SDK2: variants seen among roughly 807,000 people sequenced by gnomAD.
SDK2 encodes sidekick cell adhesion molecule 2.
In SDK2, 105 loss-of-function variants were observed where a neutral mutation model predicts 253.9. The observed-to-expected ratio is 0.41, with a 90% CI of 0.35 to 0.49. SDK2 has a LOEUF of 0.49. Among genes scored for constraint, SDK2 ranks in the 20% least tolerant of loss-of-function variants. SDK2 has a pLI of 0.06. For missense variants in SDK2, 2,608 were observed against 3,003.0 expected, an observed-to-expected ratio of 0.87 and a Z score of 3.07; for synonymous variants, 1,249 against 1,234.9, an observed-to-expected ratio of 1.01 and a Z score of -0.24.
At position 73,382,091 on chromosome 17, in the gene SDK2, C is replaced by T. The variant is rs913984539; in HGVS notation, c.4706-1141G>A. 5.9e-5 allele frequency among the ~76,000 whole-genome samples: 9 copies of T among 151,914 alleles called. No individual in the cohort carries two copies. The South Asian group carries it at 1.0e-3, about 18-fold the overall frequency. On this transcript the variant is annotated intron_variant, in intron 33 of 44. Coordinates refer to ENST00000392650, the MANE Select transcript of SDK2 (RefSeq NM_001144952.2). ...ATTAGCTGGGCGTGGTAGTGTGCGC[C>T]GTTAATCCCAGCTACTCAGGAGGCC...
At chr17:73,520,486 G>C (rs550821573) in intron 1 of SDK2, 1 of 121,500 alleles carries the variant, frequency 8.2e-6, no homozygotes, top group East Asian at 2.2e-4. Context: ...ATTGGGAGTA[G>C]TGGGGGGGTG....
intron 1 of SDK2, among the ~76,000 whole-genome samples, chr17:73,538,202 T>A (rs1241673407): frequency 6.6e-6 from 1 of 152,176 alleles, no homozygotes. Context: ...GGTGCCACGG[T>A]TGTGCTGATT....
intron 27 of SDK2, among the ~76,000 whole-genome samples, chr17:73,392,105 G>T (rs1386654204): frequency 6.6e-6 from 1 of 151,894 alleles, no homozygotes; most frequent in Non-Finnish European, 1.5e-5. Context: ...TCCAGGGAAG[G>T]CCAAGCGGTA....
rs2063655761 is a variant in SDK2, at chr17:73,472,112, A to G, written c.331T>C (p.Tyr111His). The change falls in exon 3 of 45, where the codon TAC becomes CAC. Residue 111 changes from tyrosine (Y) to histidine (H), a missense_variant and splice_region_variant. Tyr to His is a moderately conservative substitution (Grantham distance 83, BLOSUM62 2). Transcript: ENST00000392650. ...LQRQTEVQVAYMGSFEEGEKH... is the reference protein window; with the variant it reads ...LQRQTEVQVAHMGSFEEGEKH... The stretch of plus-strand genomic sequence containing the variant: ...GCCCCTGGGTCCCCATTGTACTCAC[A>G]GGCCACCTGGACCTCGGTTTGCCGC... 3 of 1,550,246 alleles carry G rather than the reference A, an allele frequency of 1.9e-6. No individual in the cohort carries two copies. Among genetic ancestry groups the G allele is most frequent in the Non-Finnish European group, 2.6e-6 (3 of 1,146,072 alleles).
At chr17:73,535,315 C>T (rs776750336) in intron 1 of SDK2, among the ~76,000 whole-genome samples, 4 of 152,176 alleles carry the variant, frequency 2.6e-5, no homozygotes, top group Non-Finnish European at 4.4e-5. Flanking sequence ...TGCATAACTT[C>T]TCTGAGCTCA....
intron 40 of SDK2, among the ~76,000 whole-genome samples, chr17:73,355,175 T>TATATATATA (rs1555750470): frequency 7.0e-4 from 11 of 15,722 alleles, no homozygotes; most frequent in African/African-American, 1.7e-3. Context: ...TATATATATA[T>TATATATATA]TTTTTTTTTT....
chr17:73,546,332 C>T (rs1326593253), intron 1 of SDK2, among the ~76,000 whole-genome samples: 2 of 152,248 alleles, frequency 1.3e-5, no homozygotes, highest in Non-Finnish European at 2.9e-5. Context: ...GGCCTGGCGG[C>T]CAGTGGTGGT....
At chr17:73,627,583 T>C (rs2143233473) in intron 1 of SDK2, among the ~76,000 whole-genome samples, 1 of 152,322 alleles carries the variant, frequency 6.6e-6, no homozygotes, top group African/African-American at 2.4e-5. Context: ...CCAGGTTGGC[T>C]GAGCCCTAGG....
chr17:73,628,780 C>G (rs1276724404), intron 1 of SDK2, among the ~76,000 whole-genome samples: 1 of 152,224 alleles, frequency 6.6e-6, no homozygotes, highest in African/African-American at 2.4e-5. Context: ...CACCACACTT[C>G]AGAGAGGTGC....
chr17:73,380,348 A>G (rs1409623051), intron 34 of SDK2, among the ~76,000 whole-genome samples: 3 of 152,184 alleles, frequency 2.0e-5, no homozygotes, highest in African/African-American at 7.2e-5. Flanking sequence ...CCTCTTGCCT[A>G]AGGCCCTGGG....
intron 2 of SDK2, among the ~76,000 whole-genome samples, chr17:73,484,090 C>T (rs772347572): frequency 6.6e-5 from 10 of 152,058 alleles, no homozygotes; most frequent in South Asian, 2.1e-4. Context: ...ATTTCCTCAC[C>T]GCTCCCCGCT....
chr17:73,557,214 G>A (rs147565809), intron 1 of SDK2, among the ~76,000 whole-genome samples: 12 of 152,290 alleles, frequency 7.9e-5, no homozygotes, highest in East Asian at 1.9e-4. Context: ...AGTTCATAGC[G>A]CACGCTCAAC....
chr17:73,549,974 C>T (rs778761461), intron 1 of SDK2, among the ~76,000 whole-genome samples: 9 of 152,000 alleles, frequency 5.9e-5, no homozygotes, highest in African/African-American at 1.9e-4. Context: ...TGAGGACCGC[C>T]GGGGGTGCAT....
chr17:73,398,139 G>T lies in SDK2; in HGVS notation c.3250C>A (p.Gln1084Lys). Residue 1084 changes from glutamine (Q) to lysine (K), a missense_variant, in exon 24 of 45, where the codon CAG (glutamine) becomes AAG (lysine). This residue lies in a region of SDK2 where 1,505 missense variants were observed against 1,859.1 expected (regional missense o/e 0.81). Transcript: ENST00000392650. ...AGGGTCTGGATCTTTCTAGAAGGCT[G>T]ACTGGGGGGGCTGGTGCCCACGATG... ...VNIVGTSPPS[Q>K]PSRKIQTLQA... 6.2e-7 allele frequency: 1 copy of T among 1,613,776 alleles called. No individual in the cohort carries two copies. Among genetic ancestry groups the T allele is most frequent in the South Asian group, 1.1e-5 (1 of 91,052 alleles).
At chr17:73,454,702 T>C (rs1213988208) in intron 4 of SDK2, among the ~76,000 whole-genome samples, 1 of 152,196 alleles carries the variant, frequency 6.6e-6, no homozygotes, top group African/African-American at 2.4e-5. Flanking sequence ...ATGATGGTGA[T>C]ATTATCATTA....
At chr17:73,588,197 A>ACCCCCCCCCCCCC (rs57740393) in intron 1 of SDK2, among the ~76,000 whole-genome samples, 8 of 130,860 alleles carry the variant, frequency 6.1e-5, no homozygotes, top group African/African-American at 1.7e-4. Context: ...ACATGGAGAG[A>ACCCCCCCCCCCCC]CCCCCCCCCC....
At chr17:73,372,207 C>T (rs904658696) in intron 36 of SDK2, among the ~76,000 whole-genome samples, 3 of 152,166 alleles carry the variant, frequency 2.0e-5, no homozygotes, top group Admixed American at 1.3e-4. Flanking sequence ...CCTTTGTTAG[C>T]TGATGATTCA....
intron 10 of SDK2, among the ~76,000 whole-genome samples, chr17:73,433,160 T>C (rs1267266462): frequency 6.6e-6 from 1 of 152,114 alleles, no homozygotes; most frequent in African/African-American, 2.4e-5. Context: ...GGTATATATA[T>C]TATTGTCACC....
chr17:73,349,607 T>A (rs1170911472), intron 43 of SDK2, among the ~76,000 whole-genome samples: 3 of 152,156 alleles, frequency 2.0e-5, no homozygotes, highest in African/African-American at 7.2e-5. Flanking sequence ...TAGAAAGAAG[T>A]CAGAAGAAAA....
Sources: gnomAD v4.1 joint callset for allele counts (sites outside exome capture counted in the v4.1 genomes callset) on GRCh38, gnomAD v4.1.1 for gene constraint, gnomAD v4.1.1 regional missense constraint, MANE v1.5 for transcripts, NCBI Gene and HGNC (gene_info 2026-07-23, HGNC 2026-07-21) for gene names.